Variants in ANO4 observed in about 807,000 individuals in gnomAD.
ANO4 encodes the protein anoctamin-4.
A neutral mutation model predicts 141.9 loss-of-function variants in ANO4; 69 were observed. That is an observed-to-expected ratio of 0.49 (90% CI 0.40 to 0.59). ANO4 has a LOEUF of 0.59. Ranked by LOEUF, ANO4 falls within the 20% of genes least tolerant of loss-of-function variation. The probability of loss-of-function intolerance (pLI) is 0.00; values close to 1 mark genes in which losing one functional copy is unlikely to be tolerated. For missense variants in ANO4, 894 were observed against 1,162.2 expected (o/e 0.77, Z 3.36); for synonymous variants, 350 against 394.3 (o/e 0.89, Z 1.33).
At chr12:101,047,279 ACT>A (rs778422455) in intron 13 of ANO4, among the ~76,000 whole-genome samples, 2 of 151,648 alleles carry the variant, frequency 1.3e-5, no homozygotes, top group Non-Finnish European at 2.9e-5. Context: ...ACAACAACAA[ACT>A]CTGATAGATA....
At chr12:100,978,431 T>G (rs780923672) in intron 7 of ANO4, among the ~76,000 whole-genome samples, 14 of 152,184 alleles carry the variant, frequency 9.2e-5, no homozygotes, top group Non-Finnish European at 1.9e-4. Context: ...TTATGGGATA[T>G]TAAATGCCAT....
intron 3 of ANO4, among the ~76,000 whole-genome samples, chr12:100,781,234 A>C (rs1045731243): frequency 6.6e-6 from 1 of 152,208 alleles, no homozygotes; most frequent in African/African-American, 2.4e-5. Flanking sequence ...CAGACATTAA[A>C]ATATTGATAA....
intron 1 of ANO4, among the ~76,000 whole-genome samples, chr12:100,855,390 T>C (rs1467867528): frequency 1.3e-5 from 2 of 152,188 alleles, no homozygotes; most frequent in African/African-American, 4.8e-5. Context: ...AAATGATCTA[T>C]TTTTATTCTC....
intron 17 of ANO4, among the ~76,000 whole-genome samples, chr12:101,092,786 C>T (rs968504737): frequency 6.6e-5 from 10 of 152,170 alleles, no homozygotes; most frequent in South Asian, 2.1e-4. Context: ...TCCTCAGCTC[C>T]GAGGGCCTTT....
chr12:101,127,013 G>C lies in ANO4; in HGVS notation c.2811G>C (p.Gln937His). 6.2e-7 allele frequency: 1 copy of C among 1,614,170 alleles called. No individual in the cohort carries two copies. Among genetic ancestry groups the C allele is most frequent in the Non-Finnish European group, 8.5e-7 (1 of 1,180,022 alleles). ...MMYEAELERL[Q>H]KERKERKKNG... ...ATGAAGCAGAACTGGAACGTCTCCA[G>C]AAGGAACGAAAGGAGAGGAAGAAGA... The change falls in exon 27 of 28, where the codon CAG (glutamine) becomes CAC (histidine). Residue 937 changes from glutamine to histidine, a missense_variant. Physicochemically the swap from Gln to His is conservative, Grantham distance 24. Coordinates refer to ENST00000392977, the MANE Select transcript of ANO4 (RefSeq NM_001286615.2).
rs1351790072 is a variant in ANO4, at chr12:100,942,350, AACTGGTC to A, written c.298-26_298-20del. The A allele has an allele frequency of 6.2e-7, 1 of 1,604,948 alleles. No homozygotes were observed. Among genetic ancestry groups the A allele is most frequent in the African/African-American group, 1.3e-5 (1 of 74,494 alleles). ...GAACCTCAATTTGATGAATGACTTA[AACTGGTC>A]CCTTTCTCTTTGTGTGCAGACAGTG... On this transcript the variant is annotated intron_variant, in intron 4 of 27. Coordinates refer to ENST00000392977, the MANE Select transcript of ANO4 (RefSeq NM_001286615.2).
chr12:100,837,720 T>TAAA (rs66789704), intron 1 of ANO4, among the ~76,000 whole-genome samples: 19 of 122,586 alleles, frequency 1.5e-4, no homozygotes, highest in African/African-American at 4.1e-4. Context: ...ACCTTGTCTC[T>TAAA]AAAAAAAAAA....
chr12:100,791,324 T>TG (rs2034039163), upstream of ANO4, among the ~76,000 whole-genome samples: 3 of 152,062 alleles, frequency 2.0e-5, no homozygotes, highest in South Asian at 6.2e-4. Context: ...GCAGGAGAAT[T>TG]GCTTAAACCC....
chr12:100,882,847 C>A (rs2039636722), intron 1 of ANO4, among the ~76,000 whole-genome samples: 1 of 151,926 alleles, frequency 6.6e-6, no homozygotes, highest in Non-Finnish European at 1.5e-5. Flanking sequence ...TTATAGGCAC[C>A]CGCCACTGTG....
chr12:100,843,987 C>CTTCATTCA (rs371132889), intron 1 of ANO4, among the ~76,000 whole-genome samples: 46 of 151,968 alleles, frequency 3.0e-4, no homozygotes, highest in South Asian at 4.2e-4. Flanking sequence ...GATGGCTGTG[C>CTTCATTCA]TTCATTCATT....
chr12:100,722,608 T>C (rs900671599), intron 1 of ANO4, among the ~76,000 whole-genome samples: 15 of 152,172 alleles, frequency 9.9e-5, no homozygotes, highest in African/African-American at 3.6e-4. Flanking sequence ...GCCCTTTCCA[T>C]AGCAGGTTCT....
intron 1 of ANO4, among the ~76,000 whole-genome samples, chr12:100,829,278 CT>C (rs2036518111): frequency 6.6e-6 from 1 of 152,034 alleles, no homozygotes; most frequent in African/African-American, 2.4e-5. Flanking sequence ...CTTTTTATCT[CT>C]CAATCCTCAG....
chr12:101,094,329 G>A, intron 18 of ANO4, 37 bp downstream of exon 18: 1 of 1,542,080 alleles, frequency 6.5e-7, no homozygotes, highest in Non-Finnish European at 8.9e-7. Flanking sequence ...GAACTGTACT[G>A]TGGGCTAGAG....
chr12:100,829,136 TTAG>T (rs1480818549), intron 1 of ANO4, among the ~76,000 whole-genome samples: 1 of 151,998 alleles, frequency 6.6e-6, no homozygotes, highest in Non-Finnish European at 1.5e-5. Flanking sequence ...TTTAAATAAA[TTAG>T]TAGAGGGAAA....
In ANO4 at chr12:101,031,605, T is replaced by G. The variant is rs558573990; in HGVS notation, c.842-5490T>G. Among the ~76,000 whole-genome samples, 3 of 152,234 alleles carry G rather than the reference T, an allele frequency of 2.0e-5. No homozygotes were observed. The East Asian group carries it at 5.8e-4, about 29-fold the overall frequency. ...AGGACAATCAGGCAAGAGAAAGAAA[T>G]AAAGTGTATTCAAATAGGAAGAGTA... On this transcript the variant is annotated intron_variant, in intron 9 of 27. Transcript: ENST00000392977.
intron 2 of ANO4, among the ~76,000 whole-genome samples, chr12:100,920,678 C>A (rs994984176): frequency 1.3e-5 from 2 of 152,268 alleles, no homozygotes; most frequent in South Asian, 4.1e-4. Context: ...CTGAAAAGTT[C>A]ACTGCTGTGG....
intron 3 of ANO4, among the ~76,000 whole-genome samples, chr12:100,748,856 T>G (rs1414813986): frequency 6.6e-6 from 1 of 152,194 alleles, no homozygotes; most frequent in Non-Finnish European, 1.5e-5. Context: ...AAATTTCCCT[T>G]TTGTCAAAAT....
rs550838979 is a variant in ANO4 at position 100,881,287 on chromosome 12, T to TAATAA, written c.-140-20346_-140-20342dup. ...TACCCTAAAACTTAAAGTATAATAATAATAAAATAAAATAAAAAAAGAAGA... is the reference window on the plus strand; with the variant it reads ...TACCCTAAAACTTAAAGTATAATAATAATAAAATAAAATAAAATAAAAAAAGAAGA... On this transcript the variant is annotated intron_variant, in intron 1 of 27. Transcript: ENST00000392977. Among the ~76,000 whole-genome samples, 4 of 150,510 alleles carry TAATAA rather than the reference T, an allele frequency of 2.7e-5. No individual in the cohort carries two copies. In the South Asian group the frequency reaches 6.3e-4, roughly 24 times the overall value.
chr12:101,092,646 C>T (rs539195098), intron 17 of ANO4, among the ~76,000 whole-genome samples: 63 of 152,190 alleles, frequency 4.1e-4, no homozygotes, highest in African/African-American at 1.4e-3. Context: ...GCCATGGATC[C>T]CTACTGTGTC....
Sources: allele counts gnomAD v4.1 joint callset (sites outside exome capture counted in the v4.1 genomes callset), GRCh38; gene constraint gnomAD v4.1.1; transcripts MANE v1.5; gene names NCBI Gene and HGNC (gene_info 2026-07-23, HGNC 2026-07-21).